The following PCDHB3 variants were observed in gnomAD, a reference collection of about 807,000 sequenced individuals.
PCDHB3 encodes protocadherin beta 3, also known as protocadherin beta-3.
For synonymous variants in PCDHB3, 479 were observed against 456.0 expected, an observed-to-expected ratio of 1.05 and a Z score of -0.64; for missense variants, 967 against 1,012.1, an observed-to-expected ratio of 0.96 and a Z score of 0.60.
Position 141,101,353 on chromosome 5 carries a change from T to A in PCDHB3, c.704T>A (p.Ile235Lys). The A allele has an allele frequency of 6.2e-7, 1 of 1,613,970 alleles. No homozygotes were observed. Among genetic ancestry groups the A allele is most frequent in the Non-Finnish European group, 8.5e-7 (1 of 1,179,932 alleles). The change falls in exon 1 of 1, where the codon ATA (isoleucine) becomes AAA (lysine). Residue 235 changes from isoleucine (I) to lysine (K), a missense_variant. Physicochemically the swap from Ile to Lys is moderately radical, Grantham distance 102. Transcript: ENST00000231130. ...TAQINIQVLD[I>K]NDNAPEFAQP... ...CAGATAAACATCCAGGTCTTAGATATAAACGACAATGCACCAGAATTTGCA... is the reference window on the plus strand; with the variant it reads ...CAGATAAACATCCAGGTCTTAGATAAAAACGACAATGCACCAGAATTTGCA...
At position 141,100,845 on chromosome 5, in the gene PCDHB3, G is replaced by T. The variant is rs1291342393; in HGVS notation, c.196G>T (p.Val66Phe). The T allele has an allele frequency of 6.2e-7, 1 of 1,614,022 alleles. No homozygotes were observed. Among genetic ancestry groups the T allele is most frequent in the Admixed American group, 1.7e-5 (1 of 60,002 alleles). The part of the protein sequence containing the change: ...VEELAARGAQ[V>F]VSKGNKQHFQ... ...GGAACTGGCCGCGAGGGGGGCCCAAGTTGTGTCCAAAGGGAACAAACAGCA... is the reference window on the plus strand; with the variant it reads ...GGAACTGGCCGCGAGGGGGGCCCAATTTGTGTCCAAAGGGAACAAACAGCA... The change falls in exon 1 of 1, where the codon GTT (valine) becomes TTT (phenylalanine). Residue 66 changes from valine to phenylalanine, a missense_variant. Coordinates refer to ENST00000231130, the MANE Select transcript of PCDHB3 (RefSeq NM_018937.5).
chr5:141,101,087 T>G lies in PCDHB3; in HGVS notation c.438T>G (p.Thr146=). Residue 146 remains threonine (T), a synonymous_variant, in exon 1 of 1, where the codon ACT becomes ACG. Transcript: ENST00000231130. The stretch of plus-strand genomic sequence containing the variant: ...TGCATCTGAAAATCCTAGAAAGCAC[T>G]CTGCCAGGAACAGTAATTCCTTTGG... The part of the protein sequence containing the change: ...NEMHLKILES[T]LPGTVIPLGN... The G allele has an allele frequency of 6.2e-7, 1 of 1,614,188 alleles. No individual in the cohort carries two copies. The highest frequency in any genetic ancestry group is 1.1e-5 in the South Asian group (1 of 91,090).
rs782235793 is a variant in PCDHB3 at position 141,101,984 on chromosome 5, T to G, written c.1335T>G (p.Asn445Lys). 9 of 1,613,300 alleles carry G rather than the reference T, an allele frequency of 5.6e-6. No individual in the cohort carries two copies. Among genetic ancestry groups the G allele is most frequent in the African/African-American group, 1.3e-5 (1 of 74,854 alleles). The change falls in exon 1 of 1, where the codon AAT (asparagine) becomes AAG (lysine). Residue 445 changes from asparagine to lysine, a missense_variant. Transcript: ENST00000231130. ...TAACCGTGCTGGTCTCCGACGTCAA[T>G]GACAACGCCCCCGCCTTCACCCAAA... ...YNITVLVSDVNDNAPAFTQIS... is the reference protein window; with the variant it reads ...YNITVLVSDVKDNAPAFTQIS...
In PCDHB3 at chr5:141,102,469, T is replaced by C. The variant is rs1751979093; in HGVS notation, c.1820T>C (p.Leu607Pro). ...AACGCCTGGCTGTCGTACCAGCTGCTCAAGGCCACGGAGCCCGGGCTGTTC... is the reference window on the plus strand; with the variant it reads ...AACGCCTGGCTGTCGTACCAGCTGCCCAAGGCCACGGAGCCCGGGCTGTTC... ...GQNAWLSYQLLKATEPGLFGV... is the reference protein window; with the variant it reads ...GQNAWLSYQLPKATEPGLFGV... The change falls in exon 1 of 1, where the codon CTC becomes CCC. Residue 607 changes from leucine to proline, a missense_variant. Leu to Pro is a moderately conservative substitution (Grantham distance 98). Coordinates refer to ENST00000231130, the MANE Select transcript of PCDHB3 (RefSeq NM_018937.5). 6.2e-7 allele frequency: 1 copy of C among 1,609,696 alleles called. No individual in the cohort carries two copies. The highest frequency in any genetic ancestry group is 1.3e-5 in the African/African-American group (1 of 74,982).
In PCDHB3 at chr5:141,101,662, T is replaced by G. The variant is rs1751945068; in HGVS notation, c.1013T>G (p.Val338Gly). The change falls in exon 1 of 1, where the codon GTT (valine) becomes GGT (glycine). Residue 338 changes from valine (V) to glycine (G), a missense_variant. Coordinates refer to ENST00000231130, the MANE Select transcript of PCDHB3 (RefSeq NM_018937.5). ...AAGTCTACAGTCATAGTCCAGGTGG[T>G]TGATGTCAACGACAACCCACCGGAA... ...SGKSTVIVQV[V>G]DVNDNPPELT... 6.2e-7 allele frequency: 1 copy of G among 1,613,908 alleles called. No homozygotes were observed. The highest frequency in any genetic ancestry group is 1.3e-5 in the African/African-American group (1 of 74,900).
In PCDHB3 at chr5:141,100,491, T is replaced by C. The variant is rs1026917300; in HGVS notation, c.-159T>C. ...CGGATCCAGTGTGGTAAACCAGCGG[T>C]TGAGAGCCCAGGCAGATTTTTGAGC... On this transcript the variant is annotated 5_prime_UTR_variant, in exon 1 of 1. Transcript: ENST00000231130. 3.4e-6 allele frequency: 2 copies of C among 589,644 alleles called. No homozygotes were observed. Among genetic ancestry groups the C allele is most frequent in the African/African-American group, 1.9e-5 (1 of 54,014 alleles). 36.5% of individuals were successfully genotyped at this position (589,644 alleles called of 1,614,324 possible).
In PCDHB3 at chr5:141,102,828, G is replaced by A. The variant is rs1554272681; in HGVS notation, c.2179G>A (p.Val727Met). The A allele has an allele frequency of 1.9e-6, 3 of 1,612,212 alleles. No individual in the cohort carries two copies. The highest frequency in any genetic ancestry group is 2.5e-6 in the Non-Finnish European group (3 of 1,179,806). The change falls in exon 1 of 1, where the codon GTG becomes ATG. Residue 727 changes from valine (V) to methionine (M), a missense_variant. By Grantham distance (21) the Val-to-Met change is conservative. Coordinates refer to ENST00000231130, the MANE Select transcript of PCDHB3 (RefSeq NM_018937.5). ...GGCGGCCTCGGTGGGTCGCTGCTCGGTGCCCGAGGGCCCCTTTCCAGGGCA... is the reference window on the plus strand; with the variant it reads ...GGCGGCCTCGGTGGGTCGCTGCTCGATGCCCGAGGGCCCCTTTCCAGGGCA... ...SRAASVGRCS[V>M]PEGPFPGQMV...
Position 141,100,786 on chromosome 5 carries a change from C to T in PCDHB3, c.137C>T (p.Ala46Val). ...AEEKEKGFLI[A>V]NLAKDLGLRV... ...GAAAAAGAGAAGGGCTTTTTAATAG[C>T]CAACCTAGCAAAGGATCTGGGACTA... The change falls in exon 1 of 1, where the codon GCC becomes GTC. Residue 46 changes from alanine to valine, a missense_variant. Physicochemically the swap from Ala to Val is moderately conservative, Grantham distance 64. Transcript: ENST00000231130. The T allele has an allele frequency of 6.2e-7, 1 of 1,614,090 alleles. No individual in the cohort carries two copies. The highest frequency in any genetic ancestry group is 1.1e-5 in the South Asian group (1 of 91,076).
Position 141,100,748 on chromosome 5 carries a change from T to A in PCDHB3, c.99T>A (p.Tyr33Ter). The change falls in exon 1 of 1, where the codon TAT (tyrosine) becomes TAA (stop). Residue 33 changes from tyrosine (Y) to a stop codon, truncating the protein, a stop_gained. Coordinates refer to ENST00000231130, the MANE Select transcript of PCDHB3 (RefSeq NM_018937.5). LOFTEE classifies it low-confidence loss of function (END_TRUNC). Reference sequence around the variant, plus strand: ...TGGCTGGGTCCGAGTCAAGACGCTATTCTGTGGCTGAGGAAAAAGAGAAGG... The same window carrying A: ...TGGCTGGGTCCGAGTCAAGACGCTAATCTGTGGCTGAGGAAAAAGAGAAGG... ...GSLAGSESRR[Y>*]SVAEEKEKGF... The A allele has an allele frequency of 6.2e-7, 1 of 1,614,136 alleles. No individual in the cohort carries two copies.
chr5:141,102,573 G>A lies in PCDHB3; in HGVS notation c.1924G>A (p.Val642Met), dbSNP rs543891186. The A allele has an allele frequency of 1.2e-6, 2 of 1,608,830 alleles. No individual in the cohort carries two copies. Among genetic ancestry groups the A allele is most frequent in the East Asian group, 2.2e-5 (1 of 44,868 alleles). The part of the protein sequence containing the change: ...ERDAAKHRLV[V>M]LVKDNGEPPR... ...CGACGCGGCCAAGCACAGGCTGGTG[G>A]TGCTGGTCAAGGACAATGGCGAGCC... Residue 642 changes from valine (V) to methionine (M), a missense_variant, in exon 1 of 1, where the codon GTG becomes ATG. Coordinates refer to ENST00000231130, the MANE Select transcript of PCDHB3 (RefSeq NM_018937.5).
In PCDHB3 at chr5:141,102,498, G is replaced by C. The variant is rs573993664; in HGVS notation, c.1849G>C (p.Val617Leu). Residue 617 changes from valine to leucine, a missense_variant, in exon 1 of 1, where the codon GTG becomes CTG. Coordinates refer to ENST00000231130, the MANE Select transcript of PCDHB3 (RefSeq NM_018937.5). ...LKATEPGLFG[V>L]WAHNGEVRTA... ...GGCCACGGAGCCCGGGCTGTTCGGC[G>C]TGTGGGCGCACAATGGCGAAGTGCG... 6.2e-7 allele frequency: 1 copy of C among 1,608,780 alleles called. No homozygotes were observed. The highest frequency in any genetic ancestry group is 8.5e-7 in the Non-Finnish European group (1 of 1,179,600).
At position 141,100,878 on chromosome 5, in the gene PCDHB3, C is replaced by T; in HGVS notation, c.229C>T (p.Leu77Phe). The part of the protein sequence containing the change: ...VSKGNKQHFQ[L>F]SHQTGDLLLN... ...CAAAGGGAACAAACAGCATTTTCAG[C>T]TCAGTCATCAGACAGGTGATTTGCT... The change falls in exon 1 of 1, where the codon CTC becomes TTC. Residue 77 changes from leucine to phenylalanine, a missense_variant. By Grantham distance (22) the Leu-to-Phe change is conservative. Transcript: ENST00000231130. 1 of 1,614,108 alleles carries T rather than the reference C, an allele frequency of 6.2e-7. No homozygotes were observed. Among genetic ancestry groups the T allele is most frequent in the Non-Finnish European group, 8.5e-7 (1 of 1,179,996 alleles).
At position 141,102,496 on chromosome 5, in the gene PCDHB3, G is replaced by T; in HGVS notation, c.1847G>T (p.Gly616Val). The change falls in exon 1 of 1, where the codon GGC (glycine) becomes GTC (valine). Residue 616 changes from glycine to valine, a missense_variant. Gly to Val is a moderately radical substitution (Grantham distance 109). Coordinates refer to ENST00000231130, the MANE Select transcript of PCDHB3 (RefSeq NM_018937.5). ...AAGGCCACGGAGCCCGGGCTGTTCG[G>T]CGTGTGGGCGCACAATGGCGAAGTG... ...LLKATEPGLF[G>V]VWAHNGEVRT... The T allele has an allele frequency of 6.2e-7, 1 of 1,608,812 alleles. No homozygotes were observed. The highest frequency in any genetic ancestry group is 8.5e-7 in the Non-Finnish European group (1 of 1,179,610).
Position 141,100,813 on chromosome 5 carries a change from G to A in PCDHB3, c.164G>A (p.Arg55Lys). 4 of 1,614,180 alleles carry A rather than the reference G, an allele frequency of 2.5e-6. No homozygotes were observed. Among genetic ancestry groups the A allele is most frequent in the Non-Finnish European group, 3.4e-6 (4 of 1,180,040 alleles). The change falls in exon 1 of 1, where the codon AGG becomes AAG. Residue 55 changes from arginine (R) to lysine (K), a missense_variant. Transcript: ENST00000231130. ...IANLAKDLGL[R>K]VEELAARGAQ... ...AACCTAGCAAAGGATCTGGGACTAAGGGTAGAGGAACTGGCCGCGAGGGGG... is the reference window on the plus strand; with the variant it reads ...AACCTAGCAAAGGATCTGGGACTAAAGGTAGAGGAACTGGCCGCGAGGGGG...
In PCDHB3 at chr5:141,101,999, C is replaced by T; in HGVS notation, c.1350C>T (p.Ala450=). Residue 450 remains alanine, a synonymous_variant, in exon 1 of 1, where the codon GCC becomes GCT. Coordinates refer to ENST00000231130, the MANE Select transcript of PCDHB3 (RefSeq NM_018937.5). The part of the protein sequence containing the change: ...LVSDVNDNAP[A]FTQISYTLFV... ...CCGACGTCAATGACAACGCCCCCGC[C>T]TTCACCCAAATCTCCTACACCCTGT... 1 of 1,613,344 alleles carries T rather than the reference C, an allele frequency of 6.2e-7. No individual in the cohort carries two copies. The highest frequency in any genetic ancestry group is 8.5e-7 in the Non-Finnish European group (1 of 1,180,026).
chr5:141,103,020 A>G lies in PCDHB3; in HGVS notation c.2371A>G (p.Lys791Glu). Residue 791 changes from lysine to glutamate, a missense_variant, in exon 1 of 1, where the codon AAG (lysine) becomes GAG (glutamate). Transcript: ENST00000231130. Reference sequence around the variant, plus strand: ...TAGCGAGGCAAATCCCAGTTTCAGGAAGAGCTTTGAATTCAGTTAAGTGTT... The same window carrying G: ...TAGCGAGGCAAATCCCAGTTTCAGGGAGAGCTTTGAATTCAGTTAAGTGTT... The part of the protein sequence containing the change: ...RVSEANPSFR[K>E]SFEFS The G allele has an allele frequency of 6.2e-7, 1 of 1,606,878 alleles. No homozygotes were observed. The highest frequency in any genetic ancestry group is 8.5e-7 in the Non-Finnish European group (1 of 1,176,254).
chr5:141,102,639 G>C lies in PCDHB3; in HGVS notation c.1990G>C (p.Asp664His), dbSNP rs781888678. The change falls in exon 1 of 1, where the codon GAC (aspartate) becomes CAC (histidine). Residue 664 changes from aspartate to histidine, a missense_variant. Asp to His is a moderately conservative substitution (Grantham distance 81, BLOSUM62 -1). Transcript: ENST00000231130. ...CGCCACGCTGCATGTGCTCCTGGTG[G>C]ACGGCTTCTCCCAGCCCTACCTGCC... Reference protein sequence around the residue: ...ATATLHVLLVDGFSQPYLPLP... With the variant: ...ATATLHVLLVHGFSQPYLPLP... 6.2e-7 allele frequency: 1 copy of C among 1,610,204 alleles called. No homozygotes were observed. The highest frequency in any genetic ancestry group is 8.5e-7 in the Non-Finnish European group (1 of 1,179,758).
In PCDHB3 at chr5:141,100,923, C is replaced by G. The variant is rs1268644629; in HGVS notation, c.274C>G (p.Arg92Gly). Residue 92 changes from arginine (R) to glycine (G), a missense_variant, in exon 1 of 1, where the codon CGG becomes GGG. By Grantham distance (125) the Arg-to-Gly change is moderately radical (BLOSUM62 -2). Transcript: ENST00000231130. ...GDLLLNEKLD[R>G]EELCGPTEPC... ...TTTGCTCCTGAATGAGAAATTGGAC[C>G]GGGAGGAGCTATGCGGCCCCACAGA... is the stretch of plus-strand genomic sequence containing the variant. The G allele has an allele frequency of 1.9e-6, 3 of 1,613,884 alleles. No homozygotes were observed. Among genetic ancestry groups the G allele is most frequent in the African/African-American group, 2.7e-5 (2 of 74,860 alleles).
chr5:141,101,176 C>G lies in PCDHB3; in HGVS notation c.527C>G (p.Ser176Cys). 6.2e-7 allele frequency: 1 copy of G among 1,614,152 alleles called. No homozygotes were observed. The highest frequency in any genetic ancestry group is 8.5e-7 in the Non-Finnish European group (1 of 1,180,032). ...SLQNYTITPN[S>C]HFHVLTRSRR... ...CAAAACTACACTATCACTCCGAATTCCCACTTCCACGTACTCACTCGCAGT... is the reference window on the plus strand; with the variant it reads ...CAAAACTACACTATCACTCCGAATTGCCACTTCCACGTACTCACTCGCAGT... Residue 176 changes from serine to cysteine, a missense_variant, in exon 1 of 1, where the codon TCC (serine) becomes TGC (cysteine). Physicochemically the swap from Ser to Cys is moderately radical, Grantham distance 112. Transcript: ENST00000231130.
Sources: gnomAD v4.1 joint callset for allele counts on GRCh38, gnomAD v4.1.1 for gene constraint, MANE v1.5 for transcripts, NCBI Gene and HGNC (gene_info 2026-07-23, HGNC 2026-07-21) for gene names.